CHST11: variants seen among roughly 807,000 people sequenced by gnomAD.
CHST11 encodes carbohydrate sulfotransferase 11.
A neutral mutation model predicts 30.4 loss-of-function variants in CHST11; 9 were observed. The ratio of observed to expected loss-of-function variants is 0.30; its 90% confidence interval spans 0.18 to 0.52. CHST11 has a LOEUF of 0.52. Among genes scored for constraint, CHST11 ranks in the 20% least tolerant of loss-of-function variants. The probability of loss-of-function intolerance (pLI) is 0.97; values close to 1 mark genes in which losing one functional copy is unlikely to be tolerated. For synonymous variants in CHST11, 152 were observed against 187.8 expected, an observed-to-expected ratio of 0.81 and a Z score of 1.56; for missense variants, 348 against 460.6, an observed-to-expected ratio of 0.76 and a Z score of 2.24.
chr12:104,554,537 G>A (rs147910630), intron 1 of CHST11, among the ~76,000 whole-genome samples: 37 of 152,304 alleles, frequency 2.4e-4, no homozygotes, highest in African/African-American at 2.9e-4. Context: ...CCCCAGCTGC[G>A]TAAAGCAAGA....
chr12:104,711,590 G>T (rs1401137825), intron 2 of CHST11, among the ~76,000 whole-genome samples: 7 of 152,098 alleles, frequency 4.6e-5, no homozygotes, highest in Non-Finnish European at 1.5e-5. Context: ...GAAGTGAGAG[G>T]TTTATTCTCT....
Position 104,470,943 on chromosome 12 carries a change from C to T in CHST11, c.118+13414C>T, listed in dbSNP as rs189252982. On this transcript the variant is annotated intron_variant, in intron 1 of 2. Transcript: ENST00000303694. ...TCAGCTGTAAACTCTGTAAGTGGGA[C>T]ATTCAATGATAGCCCCTTCTCTTCT... is the stretch of plus-strand genomic sequence containing the variant. Among the ~76,000 whole-genome samples, 3 of 152,328 alleles carry T rather than the reference C, an allele frequency of 2.0e-5. No individual in the cohort carries two copies. The East Asian group carries it at 5.8e-4, about 29-fold the overall frequency.
chr12:104,549,563 G>A (rs1236391122), intron 1 of CHST11, among the ~76,000 whole-genome samples: 1 of 152,126 alleles, frequency 6.6e-6, no homozygotes, highest in Non-Finnish European at 1.5e-5. Flanking sequence ...GGTCCAGTGT[G>A]GGAAAACAAA....
At chr12:104,715,805 T>TGGG (rs1408039935) in intron 2 of CHST11, among the ~76,000 whole-genome samples, 2 of 152,186 alleles carry the variant, frequency 1.3e-5, no homozygotes, top group Non-Finnish European at 2.9e-5. Flanking sequence ...CGCTCAGGGA[T>TGGG]GAAAGGGTTC....
At chr12:104,742,513 C>T (rs2040355185) in intron 2 of CHST11, among the ~76,000 whole-genome samples, 1 of 152,188 alleles carries the variant, frequency 6.6e-6, no homozygotes, top group South Asian at 2.1e-4. Flanking sequence ...CTTCTGATTT[C>T]CCAAGCAGTG....
chr12:104,713,332 G>T (rs557861983), intron 2 of CHST11, among the ~76,000 whole-genome samples: 13 of 152,196 alleles, frequency 8.5e-5, no homozygotes, highest in African/African-American at 3.1e-4. Flanking sequence ...TGAGACAGTG[G>T]ATTGTAGGTG....
chr12:104,739,700 G>A (rs1315651473), intron 2 of CHST11, among the ~76,000 whole-genome samples: 1 of 152,150 alleles, frequency 6.6e-6, no homozygotes, highest in Non-Finnish European at 1.5e-5. Context: ...AGCAGCTGTG[G>A]GTCAAGTGAC....
chr12:104,739,939 C>A (rs569832163), intron 2 of CHST11, among the ~76,000 whole-genome samples: 2 of 152,294 alleles, frequency 1.3e-5, no homozygotes, highest in African/African-American at 4.8e-5. Context: ...TGCTCATCTC[C>A]GCAGAGTTCC....
rs1566002611 is a variant in CHST11 at position 104,600,007 on chromosome 12, G to T, written c.119-1899G>T. On this transcript the variant is annotated intron_variant, in intron 1 of 2. Transcript: ENST00000303694. The surrounding 1 kb of genome is among the most constrained non-coding windows in gnomAD (Gnocchi z 4.1). ...GGATTTCACACCACAGTGGCCCTGCGGAAGAGTTATGACAGAGACTGCAGG... is the reference window on the plus strand; with the variant it reads ...GGATTTCACACCACAGTGGCCCTGCTGAAGAGTTATGACAGAGACTGCAGG... Among the ~76,000 whole-genome samples, 1 of 152,210 alleles carries T rather than the reference G, an allele frequency of 6.6e-6. No individual in the cohort carries two copies. The highest frequency in any genetic ancestry group is 1.5e-5 in the Non-Finnish European group (1 of 68,028).
At chr12:104,619,777 C>T (rs1038423566) in intron 2 of CHST11, among the ~76,000 whole-genome samples, 2 of 152,176 alleles carry the variant, frequency 1.3e-5, no homozygotes, top group Non-Finnish European at 2.9e-5. Flanking sequence ...TAACTCATCT[C>T]GCAAACCCAT....
At chr12:104,686,710 C>T (rs1336990558) in intron 2 of CHST11, among the ~76,000 whole-genome samples, 4 of 152,118 alleles carry the variant, frequency 2.6e-5, no homozygotes, top group Admixed American at 6.5e-5. Context: ...TGCAGTGGCG[C>T]GATCTCAGCT....
At chr12:104,593,645 G>A (rs769849811) in intron 1 of CHST11, among the ~76,000 whole-genome samples, 5 of 152,204 alleles carry the variant, frequency 3.3e-5, no homozygotes, top group Admixed American at 6.5e-5. Flanking sequence ...CAGGAGTGGG[G>A]GAAAGCATGC....
intron 2 of CHST11, among the ~76,000 whole-genome samples, chr12:104,687,869 G>A (rs1158652741): frequency 6.6e-6 from 1 of 152,058 alleles, no homozygotes; most frequent in East Asian, 1.9e-4. Flanking sequence ...CAGTTTTCTG[G>A]TACAAGGGAA....
chr12:104,465,459 G>A (rs17035629), intron 1 of CHST11, among the ~76,000 whole-genome samples: 6,203 of 152,216 alleles, frequency 0.041, 147 homozygotes, highest in Non-Finnish European at 0.045. Context: ...TCACCAATGT[G>A]GATTTTTGTT....
At chr12:104,572,205 G>C (rs2038634296) in intron 1 of CHST11, among the ~76,000 whole-genome samples, 1 of 151,836 alleles carries the variant, frequency 6.6e-6, no homozygotes, top group Admixed American at 6.6e-5. Flanking sequence ...CCAGGCTTTG[G>C]TATCAGGATG....
intron 2 of CHST11, among the ~76,000 whole-genome samples, chr12:104,691,489 ATTTT>A (rs527650779): frequency 7.3e-6 from 1 of 137,116 alleles, no homozygotes. Context: ...TAGAGGCACA[ATTTT>A]TTTTTTTTTT....
At chr12:104,669,853 G>A (rs1442368373) in intron 2 of CHST11, among the ~76,000 whole-genome samples, 1 of 152,212 alleles carries the variant, frequency 6.6e-6, no homozygotes, top group Non-Finnish European at 1.5e-5. Context: ...CTGTGAGCCT[G>A]GCTTTTCCGT....
chr12:104,566,656 A>G (rs1041481934), intron 1 of CHST11, among the ~76,000 whole-genome samples: 1 of 152,204 alleles, frequency 6.6e-6, no homozygotes, highest in African/African-American at 2.4e-5. Flanking sequence ...CTTTGAACCC[A>G]TGAGTGTGGC....
In CHST11 at chr12:104,722,109, C is replaced by T. The variant is rs752929962; in HGVS notation, c.205-34840C>T. The stretch of plus-strand genomic sequence containing the variant: ...GCTCAAACCATCCGCTCCCCTCAGT[C>T]CCTGGAGTAGCTGGGACTACTGGCG... On this transcript the variant is annotated intron_variant, in intron 2 of 2. Coordinates refer to ENST00000303694, the MANE Select transcript of CHST11 (RefSeq NM_018413.6). Among the ~76,000 whole-genome samples the T allele has an allele frequency of 3.8e-4, 58 of 151,286 alleles. 1 individual carries two copies. The highest frequency in any genetic ancestry group is 7.2e-4 in the Non-Finnish European group (49 of 67,974).
Sources: allele counts gnomAD v4.1 joint callset (sites outside exome capture counted in the v4.1 genomes callset), GRCh38; gene constraint gnomAD v4.1.1; non-coding constraint Gnocchi (gnomAD v3.1); transcripts MANE v1.5; gene names NCBI Gene and HGNC (gene_info 2026-07-23, HGNC 2026-07-21).